Variants in SLC14A2 observed in about 807,000 individuals in gnomAD.
SLC14A2 encodes the protein solute carrier family 14 member 2, also known as urea transporter 2.
In SLC14A2, 91 loss-of-function variants were observed where a neutral mutation model predicts 104.6. That is an observed-to-expected ratio of 0.87 (90% CI 0.73 to 1.04). The LOEUF is 1.04. Among genes scored for constraint, SLC14A2 ranks in the 50% least tolerant of loss-of-function variants. The probability of loss-of-function intolerance (pLI) is 0.00; values close to 1 mark genes in which losing one functional copy is unlikely to be tolerated. For missense variants in SLC14A2, 1,189 were observed against 1,156.0 expected, an observed-to-expected ratio of 1.03 and a Z score of -0.41; for synonymous variants, 476 against 466.4, an observed-to-expected ratio of 1.02 and a Z score of -0.27.
the SLC14A2 span, among the ~76,000 whole-genome samples, chr18:45,170,522 C>T: frequency 6.6e-6 from 1 of 152,170 alleles, no homozygotes; most frequent in Admixed American, 6.5e-5. Context: ...CCTTACAAGA[C>T]ATTTCAAATA....
At chr18:45,397,673 A>T (rs918503031) in intron 1 of SLC14A2, among the ~76,000 whole-genome samples, 5 of 152,112 alleles carry the variant, frequency 3.3e-5, no homozygotes, top group Non-Finnish European at 4.4e-5. Flanking sequence ...GTTTAATTAG[A>T]TCCCTCTTGT....
the SLC14A2 span, among the ~76,000 whole-genome samples, chr18:45,190,898 C>A: frequency 2.0e-5 from 3 of 152,148 alleles, no homozygotes; most frequent in Non-Finnish European, 4.4e-5. Flanking sequence ...TAAACTAGGT[C>A]AATTTTCTGC....
intron 10 of SLC14A2, among the ~76,000 whole-genome samples, chr18:45,649,181 A>AAAAACT (rs1368002615): frequency 5.9e-5 from 2 of 33,630 alleles, no homozygotes; most frequent in African/African-American, 4.9e-4. Flanking sequence ...CTCAAAAACA[A>AAAAACT]AAAACAAAAA....
At chr18:45,298,238 G>A (rs1012181963) in intron 1 of SLC14A2, among the ~76,000 whole-genome samples, 1 of 152,160 alleles carries the variant, frequency 6.6e-6, no homozygotes, top group African/African-American at 2.4e-5. Context: ...TGTTCTAGGA[G>A]ACATCCCAGT....
chr18:45,668,934 A>G (rs1270394354), intron 15 of SLC14A2, among the ~76,000 whole-genome samples: 1 of 152,236 alleles, frequency 6.6e-6, no homozygotes, highest in African/African-American at 2.4e-5. Flanking sequence ...CCATGTTGAG[A>G]AAACACAGGG....
chr18:45,671,672 C>A (rs1309087218), intron 16 of SLC14A2, among the ~76,000 whole-genome samples: 5 of 152,324 alleles, frequency 3.3e-5, no homozygotes, highest in Admixed American at 3.3e-4. Context: ...AAGCCCAAAG[C>A]CTAACCCACT....
At chr18:45,221,155 A>T (rs1356939226) in intron 1 of SLC14A2, among the ~76,000 whole-genome samples, 1 of 152,190 alleles carries the variant, frequency 6.6e-6, no homozygotes, top group Non-Finnish European at 1.5e-5. Context: ...GGGTCATTTA[A>T]TCAAACCATC....
chr18:45,566,513 T>TCG (rs201637298), intron 2 of SLC14A2, among the ~76,000 whole-genome samples: 656 of 49,572 alleles, frequency 0.013, 8 homozygotes, highest in African/African-American at 0.033. Context: ...GCGCTCACGC[T>TCG]CGCACACACA....
intron 1 of SLC14A2, among the ~76,000 whole-genome samples, chr18:45,391,616 T>G (rs545762091): frequency 6.6e-6 from 1 of 152,238 alleles, no homozygotes; most frequent in Non-Finnish European, 1.5e-5. Context: ...ATGATCACCA[T>G]TCTAACTGGT....
At chr18:45,512,172 G>A (rs1422835861) in intron 2 of SLC14A2, among the ~76,000 whole-genome samples, 1 of 152,174 alleles carries the variant, frequency 6.6e-6, no homozygotes, top group Non-Finnish European at 1.5e-5. Flanking sequence ...AAATGCTTGG[G>A]AACTATATAC....
At chr18:45,419,013 A>G (rs1303646365) in intron 1 of SLC14A2, among the ~76,000 whole-genome samples, 1 of 152,202 alleles carries the variant, frequency 6.6e-6, no homozygotes, top group African/African-American at 2.4e-5. Flanking sequence ...GAAGCACCAA[A>G]GATACTGCTA....
At chr18:45,595,275 A>G (rs999530684) in intron 2 of SLC14A2, among the ~76,000 whole-genome samples, 16 of 152,146 alleles carry the variant, frequency 1.1e-4, no homozygotes, top group African/African-American at 3.9e-4. Context: ...TGATCTTCAC[A>G]ACATCTCTGT....
chr18:45,433,381 T>C (rs140263679), intron 1 of SLC14A2, among the ~76,000 whole-genome samples: 4 of 152,356 alleles, frequency 2.6e-5, no homozygotes, highest in African/African-American at 9.6e-5. Flanking sequence ...TCTTCCCTTA[T>C]CTTCCTAGGC....
At chr18:45,525,746 TC>T (rs2043586829) in intron 2 of SLC14A2, among the ~76,000 whole-genome samples, 1 of 152,190 alleles carries the variant, frequency 6.6e-6, no homozygotes, top group Non-Finnish European at 1.5e-5. Flanking sequence ...TCTGTTTGTG[TC>T]CATATGAACT....
At chr18:45,310,704 C>A (rs767262837) in intron 1 of SLC14A2, among the ~76,000 whole-genome samples, 3 of 152,184 alleles carry the variant, frequency 2.0e-5, no homozygotes, top group Non-Finnish European at 4.4e-5. Context: ...AAGTGACATG[C>A]ACACTATGTC....
Position 45,443,016 on chromosome 18 carries a change from T to A in SLC14A2, c.-124-40217T>A, listed in dbSNP as rs374010494. 9.3e-4 allele frequency among the ~76,000 whole-genome samples: 141 copies of A among 152,252 alleles called. 1 individual carries two copies. Among genetic ancestry groups the A allele is most frequent in the East Asian group, 2.3e-3 (12 of 5,190 alleles). ...ACATATGTATGGTTTTATATGTGCA[T>A]GTTTTGAAAACTATTTGGGAAAGTC... On this transcript the variant is annotated intron_variant, in intron 1 of 20. Coordinates refer to the SLC14A2 transcript ENST00000586448.
In SLC14A2 at chr18:45,240,386, C is replaced by T. The variant is rs570357510; in HGVS notation, c.-125+27195C>T. Among the ~76,000 whole-genome samples the T allele has an allele frequency of 5.9e-5, 9 of 152,166 alleles. No homozygotes were observed. In the East Asian group the frequency reaches 9.7e-4, roughly 16 times the overall value. The stretch of plus-strand genomic sequence containing the variant: ...CTGGGATTACAGGCATGAGCCACCA[C>T]GCCCGGCCCAAATATCTCTTTAATA... On this transcript the variant is annotated intron_variant, in intron 1 of 20. Coordinates refer to the SLC14A2 transcript ENST00000586448.
intron 13 of SLC14A2, 73 bp downstream of exon 13, chr18:45,667,167 G>A (rs745410735): frequency 3.2e-4 from 397 of 1,238,272 alleles, no homozygotes; most frequent in Non-Finnish European, 4.4e-4. Context: ...GAAACCCATT[G>A]CCATGGGGGT....
rs758848593 is a variant in SLC14A2, at chr18:45,673,759, G to A, written c.2454G>A (p.Ala818=). ...TCAACAGCACCCTCGCATGCATAGC[G>A]ATAGGAGGCATGTTCTACGTCATCA... is the stretch of plus-strand genomic sequence containing the variant. The part of the protein sequence containing the change: ...CGFNSTLACI[A]IGGMFYVITW... The change falls in exon 18 of 20, where the codon GCG becomes GCA. Residue 818 remains alanine, a synonymous_variant. Coordinates refer to ENST00000255226, the MANE Select transcript of SLC14A2 (RefSeq NM_007163.4). 11 of 1,614,156 alleles carry A rather than the reference G, an allele frequency of 6.8e-6. No individual in the cohort carries two copies. The South Asian group carries it at 7.7e-5, about 11-fold the overall frequency.
Sources: gnomAD v4.1 joint callset for allele counts (sites outside exome capture counted in the v4.1 genomes callset) on GRCh38, gnomAD v4.1.1 for gene constraint, MANE v1.5 for transcripts, NCBI Gene and HGNC (gene_info 2026-07-23, HGNC 2026-07-21) for gene names.